Variants in GUCY1B1 observed in about 807,000 individuals in gnomAD.
The protein encoded by GUCY1B1 is guanylate cyclase 1 soluble subunit beta 1.
A neutral mutation model predicts 71.0 loss-of-function variants in GUCY1B1; 43 were observed. That is an observed-to-expected ratio of 0.61 (90% CI 0.47 to 0.78). The LOEUF is 0.78. Ranked by LOEUF, GUCY1B1 falls within the 30% of genes least tolerant of loss-of-function variation. The pLI is 0.00. For synonymous variants in GUCY1B1, 266 were observed against 259.7 expected, an observed-to-expected ratio of 1.02 and a Z score of -0.23; for missense variants, 535 against 754.1, an observed-to-expected ratio of 0.71 and a Z score of 3.40.
At chr4:155,759,240 G>A (rs971525709) in intron 1 of GUCY1B1, 97 bp downstream of exon 1, 6 of 1,257,312 alleles carry the variant, frequency 4.8e-6, no homozygotes, top group Non-Finnish European at 4.4e-6. Flanking sequence ...TGGCTCGGGG[G>A]CCCTGGGCGC....
intron 4 of GUCY1B1, among the ~76,000 whole-genome samples, chr4:155,780,553 A>G (rs1026060822): frequency 1.3e-5 from 2 of 152,238 alleles, no homozygotes; most frequent in African/African-American, 4.8e-5. Flanking sequence ...GAGATCATGT[A>G]TAATCTCTTA....
At chr4:155,786,807 CATGTT>C (rs1738829574) in intron 4 of GUCY1B1, among the ~76,000 whole-genome samples, 1 of 151,814 alleles carries the variant, frequency 6.6e-6, no homozygotes, top group Admixed American at 6.6e-5. Flanking sequence ...GGGGTTTCAC[CATGTT>C]GGCCAGGCTG....
intron 2 of GUCY1B1, among the ~76,000 whole-genome samples, chr4:155,763,987 C>T (rs1737169150): frequency 7.3e-6 from 1 of 137,106 alleles, no homozygotes; most frequent in African/African-American, 2.8e-5. Context: ...AATATTATTG[C>T]AGTCTATATT....
At chr4:155,759,914 C>G in intron 2 of GUCY1B1, 54 bp downstream of exon 2, 1 of 1,319,816 alleles carries the variant, frequency 7.6e-7, no homozygotes, top group South Asian at 1.2e-5. Context: ...GTGTGGGAGG[C>G]CCCCCGCGCC....
intron 5 of GUCY1B1, among the ~76,000 whole-genome samples, chr4:155,793,302 C>T (rs1157346308): frequency 6.6e-6 from 1 of 152,158 alleles, no homozygotes; most frequent in African/African-American, 2.4e-5. Context: ...GTTTCAAACT[C>T]CTGACCTCAG....
intron 4 of GUCY1B1, among the ~76,000 whole-genome samples, chr4:155,783,631 G>T (rs1048132475): frequency 6.6e-6 from 1 of 152,094 alleles, no homozygotes; most frequent in Non-Finnish European, 1.5e-5. Flanking sequence ...TTGGCTCCAG[G>T]TTTTGACTTA....
chr4:155,795,485 T>G, intron 7 of GUCY1B1, 28 bp downstream of exon 7: 1 of 1,068,076 alleles, frequency 9.4e-7, no homozygotes, highest in Non-Finnish European at 1.4e-6. Flanking sequence ...TCATTAAATG[T>G]GAGAAAGGTA....
At chr4:155,759,164 G>A in intron 1 of GUCY1B1, 21 bp downstream of exon 1, 2 of 1,573,424 alleles carry the variant, frequency 1.3e-6, no homozygotes, top group Non-Finnish European at 1.7e-6. Flanking sequence ...TCAGCCGGGT[G>A]CGGCCCGAAC....
At chr4:155,772,525 T>C (rs550470395) in intron 2 of GUCY1B1, 78 of 524,948 alleles carry the variant, frequency 1.5e-4, no homozygotes, top group Admixed American at 7.2e-4. Flanking sequence ...AGCAATATTC[T>C]CCCACCTCAG....
chr4:155,771,518 A>G (rs112682540), intron 2 of GUCY1B1, among the ~76,000 whole-genome samples: 1,599 of 152,320 alleles, frequency 0.01, 32 homozygotes, highest in African/African-American at 0.035. Flanking sequence ...ATTTATTCCA[A>G]TTGGAAGAAA....
At chr4:155,804,838 CA>C in intron 12 of GUCY1B1, 91 bp downstream of exon 12, 6 of 1,144,650 alleles carry the variant, frequency 5.2e-6, no homozygotes, top group Non-Finnish European at 7.7e-6. Context: ...GTTGCTTTAA[CA>C]GAGTTATCAC....
chr4:155,774,934 TTTCTC>T lies in GUCY1B1; in HGVS notation c.78-29_78-25del, dbSNP rs1361048818. On this transcript the variant is annotated intron_variant, in intron 2 of 13. Transcript: ENST00000264424. ...AGTAGCTATTTTTTTAACTTCAACT[TTTCTC>T]TTCTGTCTTTCTTGTTTTTGTTTTC... 4 of 1,100,068 alleles carry T rather than the reference TTTCTC, an allele frequency of 3.6e-6. No homozygotes were observed. In the East Asian group the frequency reaches 7.0e-5, roughly 19 times the overall value. 68.1% of individuals were successfully genotyped at this position (1,100,068 alleles called of 1,614,324 possible). A position where few individuals can be genotyped will look rare whatever the true frequency, so the allele number is the denominator to read the frequency against.
At chr4:155,776,167 G>A (rs1738029612) in intron 3 of GUCY1B1, among the ~76,000 whole-genome samples, 2 of 152,110 alleles carry the variant, frequency 1.3e-5, no homozygotes, top group Admixed American at 6.5e-5. Flanking sequence ...AAATGTGATG[G>A]TAGTTAAGAC....
chr4:155,798,474 T>A (rs1214779548), intron 8 of GUCY1B1, among the ~76,000 whole-genome samples: 1 of 152,216 alleles, frequency 6.6e-6, no homozygotes, highest in Non-Finnish European at 1.5e-5. Context: ...TGTCTTTTTC[T>A]GCAAGTGGAT....
intron 4 of GUCY1B1, among the ~76,000 whole-genome samples, chr4:155,779,331 A>G (rs1738264569): frequency 6.6e-6 from 1 of 152,210 alleles, no homozygotes; most frequent in Non-Finnish European, 1.5e-5. Context: ...TACACACAAC[A>G]AAGTGCAATG....
intron 4 of GUCY1B1, among the ~76,000 whole-genome samples, chr4:155,783,960 G>A (rs17033516): frequency 0.062 from 9,388 of 151,976 alleles, 345 homozygotes; most frequent in African/African-American, 0.067. Context: ...GAATTGTAAG[G>A]CTTTTCAGTT....
chr4:155,777,772 T>C, intron 4 of GUCY1B1, 130 bp downstream of exon 4: 1 of 547,550 alleles, frequency 1.8e-6, no homozygotes, highest in Non-Finnish European at 3.2e-6. Context: ...AGTCACCTTT[T>C]TCTAATTCAC....
chr4:155,793,798 GT>G, intron 5 of GUCY1B1, 57 bp from the exon 6 acceptor site: 1 of 762,846 alleles, frequency 1.3e-6, no homozygotes, highest in Non-Finnish European at 2.3e-6. Flanking sequence ...TTATATTTAG[GT>G]ATTTTTATTA....
rs1183328211 is a variant in GUCY1B1, at chr4:155,781,581, T to TATTTAGGATAAATAAA, written c.297+3955_297+3970dup. On this transcript the variant is annotated intron_variant, in intron 4 of 13. Coordinates refer to ENST00000264424, the MANE Select transcript of GUCY1B1 (RefSeq NM_000857.5). The stretch of plus-strand genomic sequence containing the variant: ...TGGATAAATAAAATATAATGGGATA[T>TATTTAGGATAAATAAA]ATTTAGGATAAATAAAATTTAGGAT... 1.2e-3 allele frequency among the ~76,000 whole-genome samples: 190 copies of TATTTAGGATAAATAAA among 152,204 alleles called. 2 individuals are homozygous for TATTTAGGATAAATAAA. Among genetic ancestry groups the TATTTAGGATAAATAAA allele is most frequent in the Admixed American group, 0.012 (178 of 15,278 alleles).
Sources: gnomAD v4.1 joint callset for allele counts (sites outside exome capture counted in the v4.1 genomes callset) on GRCh38, gnomAD v4.1.1 for gene constraint, MANE v1.5 for transcripts, NCBI Gene and HGNC (gene_info 2026-07-23, HGNC 2026-07-21) for gene names.